PCDH9: variants seen among roughly 807,000 people sequenced by gnomAD.
PCDH9 encodes protocadherin 9.
Under a neutral mutation model 70.6 loss-of-function variants are expected in PCDH9, and 24 were observed. The ratio of observed to expected loss-of-function variants is 0.34; its 90% CI spans 0.25 to 0.48. The LOEUF is 0.48. PCDH9 is among the 20% of genes least tolerant of loss of function. The pLI, the probability that PCDH9 is intolerant of heterozygous loss-of-function variation, is 0.99. For synonymous variants in PCDH9, 562 were observed against 558.5 expected (o/e 1.01, Z -0.09); for missense variants, 1,281 against 1,503.6 (o/e 0.85, Z 2.45).
chr13:66,746,658 T>C (rs1340519099), intron 3 of PCDH9, among the ~76,000 whole-genome samples: 1 of 152,182 alleles, frequency 6.6e-6, no homozygotes, highest in Non-Finnish European at 1.5e-5. Context: ...AGATTTACAG[T>C]CTTTTTCCTA....
chr13:66,451,859 A>G (rs1296738167), intron 4 of PCDH9, among the ~76,000 whole-genome samples: 1 of 152,252 alleles, frequency 6.6e-6, no homozygotes, highest in Non-Finnish European at 1.5e-5. Context: ...AGCAACTTAG[A>G]ATGTGTTTGC....
At chr13:67,055,226 G>T (rs927386170) in intron 2 of PCDH9, among the ~76,000 whole-genome samples, 3 of 152,052 alleles carry the variant, frequency 2.0e-5, no homozygotes, top group African/African-American at 7.2e-5. Context: ...TAGTACATTT[G>T]TCAAAACATT....
At chr13:66,709,025 A>T (rs2078756100) in intron 3 of PCDH9, among the ~76,000 whole-genome samples, 1 of 152,206 alleles carries the variant, frequency 6.6e-6, no homozygotes. Context: ...CAGAATTGAG[A>T]TTGAAAGCTT....
chr13:66,348,343 C>G (rs751954024), intron 4 of PCDH9, among the ~76,000 whole-genome samples: 1 of 152,112 alleles, frequency 6.6e-6, no homozygotes, highest in African/African-American at 2.4e-5. Context: ...TGTTCAATAA[C>G]TGCCCCATGT....
At chr13:66,663,966 A>G (rs1398405327) in intron 3 of PCDH9, among the ~76,000 whole-genome samples, 2 of 152,208 alleles carry the variant, frequency 1.3e-5, no homozygotes, top group South Asian at 2.1e-4. Flanking sequence ...TTGGCTGAGC[A>G]TCATGGAGCT....
At chr13:66,914,689 T>G (rs1022088542) in intron 2 of PCDH9, among the ~76,000 whole-genome samples, 1 of 151,924 alleles carries the variant, frequency 6.6e-6, no homozygotes, top group African/African-American at 2.4e-5. Flanking sequence ...AATAAACGCA[T>G]ACATGCATTC....
chr13:67,050,042 C>T (rs1353974370), intron 2 of PCDH9, among the ~76,000 whole-genome samples: 1 of 152,164 alleles, frequency 6.6e-6, no homozygotes, highest in African/African-American at 2.4e-5. Context: ...AGATTTCCTG[C>T]AGGTTCTCCT....
At chr13:67,080,427 T>C (rs1429224792) in intron 2 of PCDH9, among the ~76,000 whole-genome samples, 1 of 152,192 alleles carries the variant, frequency 6.6e-6, no homozygotes, top group Non-Finnish European at 1.5e-5. Context: ...GAGAAATGTG[T>C]AAAATGGTTA....
chr13:66,936,047 T>C (rs1281851406), intron 2 of PCDH9, among the ~76,000 whole-genome samples: 4 of 152,190 alleles, frequency 2.6e-5, no homozygotes, highest in Non-Finnish European at 5.9e-5. Context: ...ATCGCACCAC[T>C]GCACTCCAGC....
chr13:66,468,804 C>A (rs1026240755), intron 4 of PCDH9, among the ~76,000 whole-genome samples: 1 of 151,980 alleles, frequency 6.6e-6, no homozygotes, highest in African/African-American at 2.4e-5. Context: ...GTGAGTATAT[C>A]TTTTTTATAG....
At chr13:67,208,243 C>A (rs181448908) in intron 2 of PCDH9, 8 of 152,198 alleles carry the variant, frequency 5.3e-5, no homozygotes, top group African/African-American at 1.4e-4. Context: ...AAAATCCTTG[C>A]GTGTTCATTT....
chr13:66,491,385 T>TTTTGTGTGTGTGTGTGTGTGTG (rs1555299288), intron 4 of PCDH9, among the ~76,000 whole-genome samples: 1 of 136,030 alleles, frequency 7.4e-6, no homozygotes, highest in Non-Finnish European at 1.6e-5. Context: ...GCAGGAGATA[T>TTTTGTGTGTGTGTGTGTGTGTG]TGTGTGTGTG....
chr13:66,413,223 T>C (rs987641143), intron 4 of PCDH9, among the ~76,000 whole-genome samples: 4 of 152,212 alleles, frequency 2.6e-5, no homozygotes, highest in Non-Finnish European at 5.9e-5. Flanking sequence ...GATTTTTCAA[T>C]ACTTAAGTTG....
intron 2 of PCDH9, among the ~76,000 whole-genome samples, chr13:67,142,622 A>G (rs952390820): frequency 6.6e-6 from 1 of 152,226 alleles, no homozygotes; most frequent in Non-Finnish European, 1.5e-5. Flanking sequence ...AAAAAAGAGT[A>G]AAATTAAAAT....
At chr13:67,095,286 G>T (rs1004337872) in intron 2 of PCDH9, among the ~76,000 whole-genome samples, 34 of 152,112 alleles carry the variant, frequency 2.2e-4, no homozygotes, top group African/African-American at 7.7e-4. Context: ...AATTTATTTA[G>T]ATTGTATGTT....
rs946561968 is a variant in PCDH9, at chr13:66,650,716, C to G, written c.3139-19305G>C. On this transcript the variant is annotated intron_variant, in intron 3 of 4. Transcript: ENST00000377865. The stretch of plus-strand genomic sequence containing the variant: ...AGATATTATATAATATTTCATCCAA[C>G]AGCTGCAAAATACACATTATTCTCC... Among the ~76,000 whole-genome samples the G allele has an allele frequency of 2.0e-5, 3 of 151,888 alleles. No homozygotes were observed. The East Asian group carries it at 5.8e-4, about 29-fold the overall frequency.
chr13:66,763,309 A>T (rs963034384), intron 3 of PCDH9, among the ~76,000 whole-genome samples: 1 of 152,040 alleles, frequency 6.6e-6, no homozygotes, highest in Non-Finnish European at 1.5e-5. Context: ...AGCAAGCTGT[A>T]TTTAACTAAT....
chr13:66,690,614 G>A (rs1330590617), intron 3 of PCDH9, among the ~76,000 whole-genome samples: 1 of 152,048 alleles, frequency 6.6e-6, no homozygotes, highest in Admixed American at 6.5e-5. Context: ...TGTCAGAAAA[G>A]GCAATTTTAA....
intron 4 of PCDH9, among the ~76,000 whole-genome samples, chr13:66,555,717 A>T (rs1961707491): frequency 6.6e-6 from 1 of 151,742 alleles, no homozygotes. Context: ...TCAGACTCTT[A>T]TCTTCAGCAT....
Sources: gnomAD v4.1 joint callset for allele counts (sites outside exome capture counted in the v4.1 genomes callset) on GRCh38, gnomAD v4.1.1 for gene constraint, MANE v1.5 for transcripts, NCBI Gene and HGNC (gene_info 2026-07-23, HGNC 2026-07-21) for gene names.